ZNF410: variants seen among roughly 807,000 people sequenced by gnomAD.
ZNF410 encodes another partner for ARF 1.
In ZNF410, 18 loss-of-function variants were observed where a neutral mutation model predicts 54.8. The ratio of observed to expected loss-of-function variants is 0.33; its 90% CI spans 0.23 to 0.49. The LOEUF is 0.49. Among genes scored for constraint, ZNF410 ranks in the 20% least tolerant of loss-of-function variants. ZNF410 has a pLI of 0.99. For synonymous variants in ZNF410, 191 were observed against 207.3 expected (o/e 0.92, Z 0.68); for missense variants, 405 against 569.6 (o/e 0.71, Z 2.94).
chr14:73,907,258 A>G (rs931645776), intron 7 of ZNF410, among the ~76,000 whole-genome samples: 3 of 152,188 alleles, frequency 2.0e-5, no homozygotes, highest in South Asian at 4.1e-4. Flanking sequence ...GTTTATCTCA[A>G]ATGTCAAAAT....
intron 1 of ZNF410, among the ~76,000 whole-genome samples, chr14:73,890,811 G>A (rs556109837): frequency 2.0e-5 from 3 of 152,090 alleles, no homozygotes; most frequent in African/African-American, 4.8e-5. Context: ...TTGGGAGTTC[G>A]AGACCAGCCT....
At chr14:73,902,736 C>T (rs2055427081) in intron 5 of ZNF410, among the ~76,000 whole-genome samples, 1 of 152,020 alleles carries the variant, frequency 6.6e-6, no homozygotes, top group African/African-American at 2.4e-5. Flanking sequence ...TATTGATGTT[C>T]AAGTATTTCT....
intron 3 of ZNF410, among the ~76,000 whole-genome samples, chr14:73,895,894 C>G (rs1029928044): frequency 1.3e-5 from 2 of 152,216 alleles, no homozygotes; most frequent in Non-Finnish European, 2.9e-5. Flanking sequence ...ACTGCAATAG[C>G]TTTTGCACCA....
At chr14:73,894,504 C>T in intron 3 of ZNF410, 1 of 676,766 alleles carries the variant, frequency 1.5e-6, no homozygotes. Context: ...TCACTGCAAC[C>T]TCCGCCTCCC....
chr14:73,926,243 G>C (rs972066499), intron 11 of ZNF410, among the ~76,000 whole-genome samples: 62 of 152,094 alleles, frequency 4.1e-4, no homozygotes, highest in African/African-American at 1.4e-3. Context: ...ATAATTTATT[G>C]TATTCTCTAA....
intron 8 of ZNF410, among the ~76,000 whole-genome samples, chr14:73,912,880 T>C (rs913632762): frequency 3.9e-5 from 6 of 152,148 alleles, no homozygotes; most frequent in Non-Finnish European, 7.4e-5. Context: ...CTTTTTTTTT[T>C]TTCTTCCAGC....
chr14:73,917,807 A>T (rs2055690964), intron 8 of ZNF410, among the ~76,000 whole-genome samples: 1 of 152,152 alleles, frequency 6.6e-6, no homozygotes, highest in Non-Finnish European at 1.5e-5. Context: ...TGGGTGACAG[A>T]GTGAGACTCC....
chr14:73,907,894 GAAA>G (rs113294277), intron 7 of ZNF410, among the ~76,000 whole-genome samples: 9 of 135,780 alleles, frequency 6.6e-5, no homozygotes, highest in African/African-American at 2.0e-4. Context: ...ACTCTGTCTT[GAAA>G]AAAAAAAAAA....
rs773323920 is a variant in ZNF410, at chr14:73,923,480, A to G, written c.1356A>G (p.Gln452=). The stretch of plus-strand genomic sequence containing the variant: ...TGGTGACCATGCAGTCAGGGAGGCA[A>G]TCATATGAAGTTTCTGTCTTAACTG... ...HHLVTMQSGR[Q]SYEVSVLTAV... is the part of the protein sequence containing the mutation. Residue 452 remains glutamine, a synonymous_variant, in exon 11 of 12, where the codon CAA becomes CAG. Transcript: ENST00000555044. The G allele has an allele frequency of 1.2e-6, 2 of 1,613,740 alleles. No homozygotes were observed. The highest frequency in any genetic ancestry group is 1.7e-6 in the Non-Finnish European group (2 of 1,179,834).
Position 73,896,466 on chromosome 14 carries a change from C to A in ZNF410, c.320C>A (p.Ser107Tyr). ...GAGTTTTTGTCCACTTCAGAGTCTT[C>A]TAGCTTGTTGCAAGATCTACAGCCA... Reference protein sequence around the residue: ...SPEFLSTSESSSLLQDLQPSD... With the variant: ...SPEFLSTSESYSLLQDLQPSD... The change falls in exon 4 of 12, where the codon TCT becomes TAT. Residue 107 changes from serine (S) to tyrosine (Y), a missense_variant. Coordinates refer to ENST00000555044, the MANE Select transcript of ZNF410 (RefSeq NM_021188.3). 1 of 1,614,166 alleles carries A rather than the reference C, an allele frequency of 6.2e-7. No homozygotes were observed. The highest frequency in any genetic ancestry group is 1.1e-5 in the South Asian group (1 of 91,076).
At position 73,892,018 on chromosome 14, in the gene ZNF410, CT is replaced by C. The variant is rs780916703; in HGVS notation, c.-149-8del. ...AATGCCCCCTCTCTCTTTTTTACCCCTATTCTAGGTTACATTGATTACCCAC... is the reference window on the plus strand; with the variant it reads ...AATGCCCCCTCTCTCTTTTTTACCCCATTCTAGGTTACATTGATTACCCAC... On this transcript the variant is annotated splice_polypyrimidine_tract_variant and splice_region_variant and intron_variant, in intron 1 of 11. Coordinates refer to ENST00000555044, the MANE Select transcript of ZNF410 (RefSeq NM_021188.3). The C allele has an allele frequency of 6.2e-6, 5 of 812,322 alleles. No individual in the cohort carries two copies. The highest frequency in any genetic ancestry group is 5.6e-5 in the South Asian group (4 of 71,684). The allele number at this position is 812,322 out of a possible 1,614,324, so 50.3% of individuals were successfully genotyped here.
chr14:73,928,438 A>T lies in ZNF410; in HGVS notation c.1399-3065A>T, dbSNP rs563649544. ...AGCTAGTCTCTTGAAAGGTCTTACAAGGCATGATTTTATCCTGGGGGCACT... is the reference window on the plus strand; with the variant it reads ...AGCTAGTCTCTTGAAAGGTCTTACATGGCATGATTTTATCCTGGGGGCACT... On this transcript the variant is annotated intron_variant, in intron 11 of 11. Transcript: ENST00000555044. Among the ~76,000 whole-genome samples the T allele has an allele frequency of 2.6e-5, 4 of 152,320 alleles. No homozygotes were observed. The South Asian group carries it at 8.3e-4, about 32-fold the overall frequency.
Position 73,932,145 on chromosome 14 carries a change from C to A in ZNF410, c.*604C>A. The A allele has an allele frequency of 2.6e-6, 1 of 377,446 alleles. No individual in the cohort carries two copies. The highest frequency in any genetic ancestry group is 5.2e-6 in the Non-Finnish European group (1 of 191,556). 23.4% of individuals were successfully genotyped at this position (377,446 alleles called of 1,614,324 possible). ...CTTGTCCTATACACTTCTACTTGGT[C>A]ACTTTGCTTTCTTCGTTAATGGAAC... On this transcript the variant is annotated 3_prime_UTR_variant, in exon 12 of 12. Coordinates refer to ENST00000555044, the MANE Select transcript of ZNF410 (RefSeq NM_021188.3).
At chr14:73,913,629 C>G (rs2055619425) in intron 8 of ZNF410, 1 of 152,144 alleles carries the variant, frequency 6.6e-6, no homozygotes, top group Non-Finnish European at 1.5e-5. Context: ...TACAAAAACC[C>G]CACTCCGTCT....
chr14:73,921,533 A>G (rs71429027), intron 9 of ZNF410, among the ~76,000 whole-genome samples: 17,897 of 152,152 alleles, frequency 0.12, 1,382 homozygotes, highest in Admixed American at 0.19. Context: ...GCTGGAGTGC[A>G]GTGGCGCCAT....
intron 8 of ZNF410, among the ~76,000 whole-genome samples, chr14:73,918,686 CTTTTTTTTTTTTTTTTTT>C (rs71115932): frequency 1.3e-4 from 10 of 74,644 alleles, no homozygotes; most frequent in African/African-American, 3.2e-4. Context: ...TTCATATGGC[CTTTTTTTTTTTTTTTTTT>C]TTTTTTTTTT....
At chr14:73,894,503 C>T in intron 3 of ZNF410, 1 of 674,550 alleles carries the variant, frequency 1.5e-6, no homozygotes, top group Non-Finnish European at 2.7e-6. Context: ...CTCACTGCAA[C>T]CTCCGCCTCC....
chr14:73,894,421 T>TG, intron 3 of ZNF410: 1 of 681,928 alleles, frequency 1.5e-6, no homozygotes. Flanking sequence ...TATACATACT[T>TG]GCTTTTTTTT....
At chr14:73,920,954 C>T (rs1387234413) in intron 8 of ZNF410, 26 bp from the exon 9 acceptor site, 2 of 1,612,668 alleles carry the variant, frequency 1.2e-6, no homozygotes. Context: ...TTTTGGCTTC[C>T]TTGTTTAACC....
Sources: gnomAD v4.1 joint callset for allele counts (sites outside exome capture counted in the v4.1 genomes callset) on GRCh38, gnomAD v4.1.1 for gene constraint, MANE v1.5 for transcripts, NCBI Gene and HGNC (gene_info 2026-07-23, HGNC 2026-07-21) for gene names.